NR3C2: variants seen among roughly 807,000 people sequenced by gnomAD.
The protein encoded by NR3C2 is nuclear receptor subfamily 3 group C member 2, also known as mineralocorticoid receptor.
NR3C2 carries 15 observed loss-of-function variants against 86.4 expected under a neutral mutation model. That is an observed-to-expected ratio of 0.17 (90% CI 0.12 to 0.27). The LOEUF is 0.27. NR3C2 is among the 10% of genes least tolerant of loss of function. NR3C2 has a pLI of 1.00. For synonymous variants in NR3C2, 458 were observed against 450.5 expected (o/e 1.02, Z -0.21); for missense variants, 960 against 1,195.6 (o/e 0.80, Z 2.91).
At chr4:148,358,824 G>A (rs1745697486) in intron 2 of NR3C2, among the ~76,000 whole-genome samples, 1 of 152,070 alleles carries the variant, frequency 6.6e-6, no homozygotes, top group Non-Finnish European at 1.5e-5. Flanking sequence ...AAGTTAATTT[G>A]TAATTTGTAA....
intron 6 of NR3C2, among the ~76,000 whole-genome samples, chr4:148,148,833 T>C (rs1222585429): frequency 1.3e-5 from 2 of 152,250 alleles, no homozygotes; most frequent in East Asian, 3.8e-4. Flanking sequence ...CTGTATGTTC[T>C]ATGAGAGAGG....
At chr4:148,292,770 C>T (rs879637982) in intron 2 of NR3C2, among the ~76,000 whole-genome samples, 2 of 152,096 alleles carry the variant, frequency 1.3e-5, no homozygotes, top group Non-Finnish European at 2.9e-5. Flanking sequence ...GATCTTTGGA[C>T]TACTCAGAGC....
chr4:148,328,871 G>A (rs1744091736), intron 2 of NR3C2, among the ~76,000 whole-genome samples: 1 of 152,184 alleles, frequency 6.6e-6, no homozygotes, highest in Non-Finnish European at 1.5e-5. Flanking sequence ...TGAATTCTTG[G>A]TGATTTCAAA....
At chr4:148,275,949 A>G (rs555109017) in intron 2 of NR3C2, among the ~76,000 whole-genome samples, 1 of 152,302 alleles carries the variant, frequency 6.6e-6, no homozygotes, top group South Asian at 2.1e-4. Flanking sequence ...CACATTATGT[A>G]TTAACATAAA....
intron 8 of NR3C2, among the ~76,000 whole-genome samples, chr4:148,085,579 A>G (rs1730776537): frequency 6.6e-6 from 1 of 152,246 alleles, no homozygotes; most frequent in African/African-American, 2.4e-5. Context: ...CACAATTAAA[A>G]GAACTAGAGA....
chr4:148,332,862 T>C (rs1442952731), intron 2 of NR3C2, among the ~76,000 whole-genome samples: 1 of 152,206 alleles, frequency 6.6e-6, no homozygotes, highest in African/African-American at 2.4e-5. Flanking sequence ...TTAGAGTGTG[T>C]ATGTGTATGT....
chr4:148,304,128 T>C (rs1043468685), intron 2 of NR3C2, among the ~76,000 whole-genome samples: 3 of 139,968 alleles, frequency 2.1e-5, no homozygotes, highest in Middle Eastern at 4.1e-3. Flanking sequence ...CATCCTGAAC[T>C]CCTGAGTTTC....
At chr4:148,279,822 T>A (rs1008237598) in intron 2 of NR3C2, among the ~76,000 whole-genome samples, 1 of 152,040 alleles carries the variant, frequency 6.6e-6, no homozygotes, top group South Asian at 2.1e-4. Flanking sequence ...GCCCCCCGGG[T>A]TCAAGTGATT....
At chr4:148,219,671 T>C (rs1163297543) in intron 3 of NR3C2, among the ~76,000 whole-genome samples, 2 of 152,180 alleles carry the variant, frequency 1.3e-5, no homozygotes, top group Non-Finnish European at 2.9e-5. Context: ...TTTCTTCATA[T>C]ACTTCAAAAC....
intron 2 of NR3C2, among the ~76,000 whole-genome samples, chr4:148,326,804 C>T (rs1181257175): frequency 1.3e-5 from 2 of 152,160 alleles, no homozygotes; most frequent in Non-Finnish European, 2.9e-5. Flanking sequence ...GAAGCTTGTG[C>T]CACAGGGCTT....
chr4:148,349,610 C>T (rs1280283676), intron 2 of NR3C2, among the ~76,000 whole-genome samples: 1 of 149,196 alleles, frequency 6.7e-6, no homozygotes, highest in Non-Finnish European at 1.5e-5. Flanking sequence ...AATGAGAATT[C>T]TCTCCTTTCT....
chr4:148,317,156 G>C (rs185850594), intron 2 of NR3C2, among the ~76,000 whole-genome samples: 2 of 152,154 alleles, frequency 1.3e-5, no homozygotes, highest in African/African-American at 4.8e-5. Flanking sequence ...ATTCACTTAA[G>C]ACACTAGAAG....
intron 1 of NR3C2, among the ~76,000 whole-genome samples, chr4:148,438,876 T>A (rs901865730): frequency 6.6e-6 from 1 of 152,238 alleles, no homozygotes; most frequent in Admixed American, 6.5e-5. Context: ...AGTGGATACA[T>A]TGAAAAAATT....
At chr4:148,201,567 C>T (rs988607733) in intron 3 of NR3C2, among the ~76,000 whole-genome samples, 1 of 152,126 alleles carries the variant, frequency 6.6e-6, no homozygotes, top group Non-Finnish European at 1.5e-5. Context: ...ATAGGTTGGT[C>T]CTGAATCACA....
chr4:148,131,506 T>C (rs1241859591), intron 6 of NR3C2, among the ~76,000 whole-genome samples: 2 of 152,162 alleles, frequency 1.3e-5, no homozygotes, highest in African/African-American at 4.8e-5. Flanking sequence ...TTACTGTTAA[T>C]TTTTTTCATA....
rs566335424 is a variant in NR3C2, at chr4:148,171,949, G to C, written c.2015-17048C>G. Among the ~76,000 whole-genome samples, 508 of 152,176 alleles carry C rather than the reference G, an allele frequency of 3.3e-3. 1 individual carries two copies. Among genetic ancestry groups the C allele is most frequent in the South Asian group, 8.3e-3 (40 of 4,798 alleles). ...GTACAGATTCCTGACTCTGACCTTG[G>C]ATTACATGTATTCTAGAAACTATGG... is the stretch of plus-strand genomic sequence containing the variant. On this transcript the variant is annotated intron_variant, in intron 4 of 8. Coordinates refer to ENST00000358102, the MANE Select transcript of NR3C2 (RefSeq NM_000901.5).
intron 3 of NR3C2, among the ~76,000 whole-genome samples, chr4:148,245,644 T>C (rs996741170): frequency 6.6e-6 from 1 of 152,198 alleles, no homozygotes; most frequent in African/African-American, 2.4e-5. Flanking sequence ...GCTATGATTC[T>C]GATGACAACC....
chr4:148,182,735 G>C (rs1243570948), intron 4 of NR3C2, among the ~76,000 whole-genome samples: 5 of 152,238 alleles, frequency 3.3e-5, no homozygotes, highest in Admixed American at 3.3e-4. Flanking sequence ...TGCTGAGTGA[G>C]GCCAGGCATA....
At chr4:148,086,510 G>A (rs773333235) in intron 8 of NR3C2, among the ~76,000 whole-genome samples, 9 of 152,142 alleles carry the variant, frequency 5.9e-5, no homozygotes, top group Non-Finnish European at 8.8e-5. Context: ...TGAGGTGGGC[G>A]GATCACTTGA....
Sources: gnomAD v4.1 joint callset for allele counts (sites outside exome capture counted in the v4.1 genomes callset) on GRCh38, gnomAD v4.1.1 for gene constraint, MANE v1.5 for transcripts, NCBI Gene and HGNC (gene_info 2026-07-23, HGNC 2026-07-21) for gene names.